The following TMEM17 variants were observed in gnomAD, a reference collection of about 807,000 sequenced individuals.
TMEM17 encodes transmembrane protein 17.
TMEM17 carries 15 observed loss-of-function variants against 19.1 expected under a neutral mutation model. The observed-to-expected ratio is 0.78, with a 90% CI of 0.52 to 1.21. TMEM17 has a LOEUF of 1.21. Among genes scored for constraint, TMEM17 ranks in the 50% most tolerant of loss-of-function variants. TMEM17 has a pLI of 0.00. For missense variants in TMEM17, 245 were observed against 242.3 expected (o/e 1.01, Z -0.07); for synonymous variants, 103 against 86.9 (o/e 1.19, Z -1.03).
At chr2:62,496,833 C>A (rs1679789527), downstream of TMEM17, among the ~76,000 whole-genome samples, 1 of 152,188 alleles carries the variant, frequency 6.6e-6, no homozygotes, top group South Asian at 2.1e-4. Flanking sequence ...TGTGGTGGCT[C>A]ACGCCTGTAA....
rs1410775686 is a variant in TMEM17, at chr2:62,500,659, T to C, written c.*550A>G. The C allele has an allele frequency of 1.3e-5, 2 of 152,114 alleles. No individual in the cohort carries two copies. Among genetic ancestry groups the C allele is most frequent in the African/African-American group, 4.8e-5 (2 of 41,364 alleles). 9.4% of individuals were successfully genotyped at this position (152,114 alleles called of 1,614,324 possible). On this transcript the variant is annotated 3_prime_UTR_variant, in exon 4 of 4. Coordinates refer to ENST00000335390, the MANE Select transcript of TMEM17 (RefSeq NM_198276.3). ...TAGTAGAGGCTGGGTTTCACCGTGTTAGCCAGGATGGTCTCGATCTTCTGA... is the reference window on the plus strand; with the variant it reads ...TAGTAGAGGCTGGGTTTCACCGTGTCAGCCAGGATGGTCTCGATCTTCTGA...
chr2:62,490,184 G>GA, the TMEM17 span, among the ~76,000 whole-genome samples: 1 of 152,124 alleles, frequency 6.6e-6, no homozygotes, highest in African/African-American at 2.4e-5. Context: ...TCAAAAGAAA[G>GA]AAAAATAATC....
chr2:62,457,926 C>A, the TMEM17 span, among the ~76,000 whole-genome samples: 4 of 152,196 alleles, frequency 2.6e-5, no homozygotes, highest in Non-Finnish European at 5.9e-5. This position sits in a 1 kb window ranked among gnomAD's most constrained non-coding sequence, Gnocchi z 4.2. Flanking sequence ...GCTTATGTCT[C>A]TAGCCTCAGA....
At chr2:62,492,793 T>A in the TMEM17 span, among the ~76,000 whole-genome samples, 2 of 152,216 alleles carry the variant, frequency 1.3e-5, no homozygotes, top group Admixed American at 6.5e-5. Context: ...GATGTGACAG[T>A]TGAGCCAGGC....
the TMEM17 span, among the ~76,000 whole-genome samples, chr2:62,482,824 C>A: frequency 6.6e-6 from 1 of 152,168 alleles, no homozygotes; most frequent in Non-Finnish European, 1.5e-5. Flanking sequence ...TCTTGAATCA[C>A]CCAGGTTGCA....
the TMEM17 span, among the ~76,000 whole-genome samples, chr2:62,457,474 G>C: frequency 6.6e-6 from 1 of 152,210 alleles, no homozygotes; most frequent in Non-Finnish European, 1.5e-5. The surrounding 1 kb of genome is among the most constrained non-coding windows in gnomAD (Gnocchi z 4.2). Context: ...CTCAGGGGCA[G>C]AGATGTCCGT....
the TMEM17 span, among the ~76,000 whole-genome samples, chr2:62,490,221 A>G: frequency 6.6e-6 from 1 of 152,074 alleles, no homozygotes; most frequent in Non-Finnish European, 1.5e-5. Flanking sequence ...TTTCTGTAGG[A>G]CCAAAAATTG....
chr2:62,484,912 A>G, the TMEM17 span, among the ~76,000 whole-genome samples: 5 of 152,190 alleles, frequency 3.3e-5, no homozygotes, highest in Non-Finnish European at 7.3e-5. Context: ...ATAAATGAAG[A>G]GCAGTCATGG....
the TMEM17 span, among the ~76,000 whole-genome samples, chr2:62,486,179 GC>G: frequency 6.6e-6 from 1 of 152,146 alleles, no homozygotes; most frequent in Non-Finnish European, 1.5e-5. Context: ...TGGCTGGGGT[GC>G]TGGGTGCCTG....
At chr2:62,466,645 A>C in the TMEM17 span, among the ~76,000 whole-genome samples, 1 of 152,148 alleles carries the variant, frequency 6.6e-6, no homozygotes, top group Non-Finnish European at 1.5e-5. Flanking sequence ...AAGCCTTAGG[A>C]AGCAGCTTAT....
chr2:62,467,634 A>T, the TMEM17 span, among the ~76,000 whole-genome samples: 1 of 152,246 alleles, frequency 6.6e-6, no homozygotes, highest in East Asian at 1.9e-4. Flanking sequence ...ACCCTGTTTG[A>T]ATCCTCCCAA....
chr2:62,464,933 G>A, the TMEM17 span, among the ~76,000 whole-genome samples: 2 of 152,212 alleles, frequency 1.3e-5, no homozygotes, highest in South Asian at 2.1e-4. Flanking sequence ...AATATCTCAA[G>A]CGCTGATCTT....
At chr2:62,473,498 T>A in the TMEM17 span, among the ~76,000 whole-genome samples, 1 of 152,082 alleles carries the variant, frequency 6.6e-6, no homozygotes, top group Non-Finnish European at 1.5e-5. Flanking sequence ...ATCAAAGAAC[T>A]CCCACCCAAG....
chr2:62,471,762 C>G, the TMEM17 span, among the ~76,000 whole-genome samples: 2 of 152,210 alleles, frequency 1.3e-5, no homozygotes, highest in African/African-American at 2.4e-5. Flanking sequence ...GGCTGGAAGC[C>G]AGGGTAGAAA....
the TMEM17 span, chr2:62,491,093 A>AAAC: frequency 1.5e-4 from 23 of 151,904 alleles, no homozygotes; most frequent in Non-Finnish European, 3.2e-4. Flanking sequence ...AAAAAAAAAA[A>AAAC]AAAAAAAAAA....
chr2:62,456,411 G>C, the TMEM17 span, among the ~76,000 whole-genome samples: 77,750 of 151,748 alleles, frequency 0.51, 21,913 homozygotes, highest in African/African-American at 0.75. Flanking sequence ...CTCTCTCTCT[G>C]TCTGCTTCCT....
the TMEM17 span, among the ~76,000 whole-genome samples, chr2:62,455,304 C>A: frequency 2.0e-5 from 3 of 152,178 alleles, no homozygotes; most frequent in Non-Finnish European, 4.4e-5. Flanking sequence ...TAATCTGTTC[C>A]TTTATATTGC....
the TMEM17 span, chr2:62,463,019 C>T: frequency 6.6e-6 from 1 of 152,260 alleles, no homozygotes; most frequent in East Asian, 1.9e-4. Context: ...TAGTTTCTAC[C>T]TCCTCCTCTC....
At chr2:62,496,017 T>G (rs1438872094), downstream of TMEM17, among the ~76,000 whole-genome samples, 8 of 152,212 alleles carry the variant, frequency 5.3e-5, no homozygotes, top group Admixed American at 5.2e-4. Flanking sequence ...TTCCCGTCCC[T>G]TATCAGTTTT....
Sources: gnomAD v4.1 joint callset for allele counts (sites outside exome capture counted in the v4.1 genomes callset) on GRCh38, gnomAD v4.1.1 for gene constraint, Gnocchi (gnomAD v3.1) non-coding constraint, MANE v1.5 for transcripts, NCBI Gene and HGNC (gene_info 2026-07-23, HGNC 2026-07-21) for gene names.